Variants in PSMF1 observed in about 807,000 individuals in gnomAD.
PSMF1 encodes the protein proteasome inhibitor PI31 subunit.
PSMF1 carries 30 observed loss-of-function variants against 29.3 expected under a neutral mutation model. The observed-to-expected ratio is 1.02, with a 90% CI of 0.77 to 1.39. PSMF1 has a LOEUF of 1.39. Ranked by LOEUF, PSMF1 falls within the 40% of genes most tolerant of loss-of-function variation. The pLI is 0.00. For missense variants in PSMF1, 344 were observed against 357.5 expected, an observed-to-expected ratio of 0.96 and a Z score of 0.31; for synonymous variants, 134 against 139.7, an observed-to-expected ratio of 0.96 and a Z score of 0.29.
At chr20:1,123,689 AC>A (rs151092188) in intron 1 of PSMF1, among the ~76,000 whole-genome samples, 202 of 152,318 alleles carry the variant, frequency 1.3e-3, no homozygotes, top group African/African-American at 4.7e-3. Context: ...TACCCTGTGC[AC>A]AGGGTTTCTT....
rs2122624455 is a variant in PSMF1 at position 1,166,105 on chromosome 20, C to T, written c.*1025C>T. The T allele has an allele frequency of 2.6e-6, 4 of 1,545,822 alleles. No individual in the cohort carries two copies. The African/African-American group carries it at 4.1e-5, about 16-fold the overall frequency. On this transcript the variant is annotated 3_prime_UTR_variant, in exon 7 of 7. Coordinates refer to ENST00000335877, the MANE Select transcript of PSMF1 (RefSeq NM_006814.5). ...TGTGGTTTTTGGACCCCATGGGGCC[C>T]AGACAGAGCACAGGAGCATGGGCTG...
rs1223183966 is a variant in PSMF1 at position 1,165,647 on chromosome 20, C to T, written c.*567C>T. On this transcript the variant is annotated 3_prime_UTR_variant, in exon 7 of 7. Coordinates refer to ENST00000335877, the MANE Select transcript of PSMF1 (RefSeq NM_006814.5). ...CTCCTGACATCACTAAGATGGGTCC[C>T]CTTCTGGCTGCATGAATGGAAATGA... The T allele has an allele frequency of 2.0e-6, 2 of 997,008 alleles. No homozygotes were observed. The highest frequency in any genetic ancestry group is 2.4e-6 in the Non-Finnish European group (2 of 836,396). 61.8% of individuals were successfully genotyped at this position (997,008 alleles called of 1,614,324 possible). A position where few individuals can be genotyped will look rare whatever the true frequency, so the allele number is the denominator to read the frequency against.
chr20:1,141,611 G>C (rs1398739033), intron 4 of PSMF1, among the ~76,000 whole-genome samples: 1 of 151,900 alleles, frequency 6.6e-6, no homozygotes, highest in Non-Finnish European at 1.5e-5. Context: ...TTCCCCCTAA[G>C]GAAGAAGGCA....
intron 4 of PSMF1, among the ~76,000 whole-genome samples, chr20:1,138,843 A>C (rs996198306): frequency 2.7e-5 from 4 of 150,370 alleles, no homozygotes; most frequent in African/African-American, 9.8e-5. Flanking sequence ...ACAAAAAAAA[A>C]CAAAACCAAA....
At chr20:1,156,648 A>G (rs1202991773) in intron 4 of PSMF1, among the ~76,000 whole-genome samples, 1 of 152,222 alleles carries the variant, frequency 6.6e-6, no homozygotes, top group African/African-American at 2.4e-5. Context: ...CCAGAATTCT[A>G]TATCCAGTGA....
chr20:1,123,883 G>A (rs539571127), intron 1 of PSMF1, among the ~76,000 whole-genome samples: 5 of 152,344 alleles, frequency 3.3e-5, no homozygotes, highest in East Asian at 1.9e-4. Context: ...ATAACAGTCC[G>A]AATCATGTAA....
upstream of PSMF1, among the ~76,000 whole-genome samples, chr20:1,116,297 G>A (rs1000037453): frequency 1.3e-5 from 2 of 152,202 alleles, no homozygotes; most frequent in African/African-American, 4.8e-5. Context: ...TGAAAGTGCA[G>A]AACTTCTCAG....
intron 4 of PSMF1, among the ~76,000 whole-genome samples, chr20:1,158,412 A>G (rs2086621451): frequency 6.6e-6 from 1 of 152,198 alleles, no homozygotes; most frequent in African/African-American, 2.4e-5. Context: ...ACTGAAGTGC[A>G]GAAGTTTCAT....
At position 1,165,748 on chromosome 20, in the gene PSMF1, G is replaced by T; in HGVS notation, c.*668G>T. On this transcript the variant is annotated 3_prime_UTR_variant, in exon 7 of 7. Transcript: ENST00000335877. ...CATTGTGGAAAGACTGCATCATTCT[G>T]ATGAGGCAAAATCCTCCAGCTATTC... 1 of 1,017,760 alleles carries T rather than the reference G, an allele frequency of 9.8e-7. No individual in the cohort carries two copies. The highest frequency in any genetic ancestry group is 1.2e-6 in the Non-Finnish European group (1 of 848,506). The allele number at this position is 1,017,760 out of a possible 1,614,324, so 63.0% of individuals were successfully genotyped here.
Position 1,142,249 on chromosome 20 carries a change from A to G in PSMF1, c.551+6943A>G, listed in dbSNP as rs115192526. ...CCCAAAACAAAACAAAACAAAAACT[A>G]AAATAACTCAGCTATAATTCTTTTT... is the stretch of plus-strand genomic sequence containing the variant. On this transcript the variant is annotated intron_variant, in intron 4 of 6. Coordinates refer to ENST00000335877, the MANE Select transcript of PSMF1 (RefSeq NM_006814.5). Among the ~76,000 whole-genome samples, 1,298 of 151,760 alleles carry G rather than the reference A, an allele frequency of 8.6e-3. 16 individuals carry two copies. Among genetic ancestry groups the G allele is most frequent in the African/African-American group, 0.03 (1,230 of 41,248 alleles).
chr20:1,159,068 A>AAAAG, intron 4 of PSMF1, among the ~76,000 whole-genome samples: 1 of 99,638 alleles, frequency 1.0e-5, no homozygotes, highest in Middle Eastern at 5.7e-3. Flanking sequence ...AAAAAAAAAA[A>AAAAG]AAAGAAGAAG....
intron 3 of PSMF1, among the ~76,000 whole-genome samples, chr20:1,131,590 C>G (rs758327754): frequency 2.6e-5 from 4 of 152,198 alleles, no homozygotes; most frequent in Non-Finnish European, 5.9e-5. Context: ...GGCCCTGTCT[C>G]CCTCCTATGC....
At chr20:1,145,686 G>A (rs1303889577) in intron 4 of PSMF1, among the ~76,000 whole-genome samples, 3 of 152,128 alleles carry the variant, frequency 2.0e-5, no homozygotes, top group Admixed American at 6.5e-5. Context: ...AAGTGATGTG[G>A]GCCTCAGTTC....
chr20:1,128,165 C>G (rs897027896), intron 3 of PSMF1, among the ~76,000 whole-genome samples: 1 of 152,192 alleles, frequency 6.6e-6, no homozygotes, highest in Non-Finnish European at 1.5e-5. Flanking sequence ...TCCCTTTTCC[C>G]TAACTGCTGG....
intron 1 of PSMF1, 67 bp downstream of exon 1, chr20:1,118,969 G>A: frequency 6.4e-7 from 1 of 1,574,740 alleles, no homozygotes; most frequent in Non-Finnish European, 8.7e-7. Context: ...AGTACCGGAG[G>A]CCTGGTCCAG....
At chr20:1,134,860 C>T (rs1450684133) in intron 3 of PSMF1, 4 of 544,042 alleles carry the variant, frequency 7.4e-6, no homozygotes, top group Middle Eastern at 5.7e-4. Flanking sequence ...CCTACACCCT[C>T]ACCTCTTTCT....
intron 1 of PSMF1, among the ~76,000 whole-genome samples, chr20:1,119,544 C>T (rs1216284313): frequency 1.3e-5 from 2 of 152,164 alleles, no homozygotes; most frequent in Non-Finnish European, 2.9e-5. Flanking sequence ...TACACACATA[C>T]ACCCTGGGTG....
intron 1 of PSMF1, among the ~76,000 whole-genome samples, chr20:1,121,914 T>C (rs1461976320): frequency 1.3e-5 from 2 of 152,226 alleles, no homozygotes; most frequent in Non-Finnish European, 2.9e-5. Flanking sequence ...AGGTAAGGGA[T>C]GACTTAGGTG....
chr20:1,161,285 A>G (rs1434168552), intron 4 of PSMF1: 2 of 320,254 alleles, frequency 6.2e-6, no homozygotes, highest in Admixed American at 3.6e-5. Flanking sequence ...CCCTGGAGAA[A>G]AGCTACAAAC....
Sources: allele counts gnomAD v4.1 joint callset (sites outside exome capture counted in the v4.1 genomes callset), GRCh38; gene constraint gnomAD v4.1.1; transcripts MANE v1.5; gene names NCBI Gene and HGNC (gene_info 2026-07-23, HGNC 2026-07-21).